Variants in CTNNA3 observed in about 807,000 individuals in gnomAD.
CTNNA3 encodes catenin alpha-3.
In CTNNA3, 76 loss-of-function variants were observed where a neutral mutation model predicts 95.7. The ratio of observed to expected loss-of-function variants is 0.79; its 90% CI spans 0.66 to 0.96. The LOEUF is 0.96. CTNNA3 is among the 40% of genes least tolerant of loss of function. CTNNA3 has a pLI of 0.00. For missense variants in CTNNA3, 1,191 were observed against 1,089.8 expected, an observed-to-expected ratio of 1.09 and a Z score of -1.31; for synonymous variants, 431 against 374.4, an observed-to-expected ratio of 1.15 and a Z score of -1.74.
chr10:67,135,900 G>A (rs920936797), intron 7 of CTNNA3, among the ~76,000 whole-genome samples: 1 of 152,104 alleles, frequency 6.6e-6, no homozygotes, highest in Non-Finnish European at 1.5e-5. Context: ...TGCATAACAA[G>A]TTTCAAGAAC....
At position 65,988,709 on chromosome 10, in the gene CTNNA3, G is replaced by A. The variant is rs149211186; in HGVS notation, c.2248C>T (p.Arg750Trp). ...TAACTCACCTGATTAGCAATCTGCC[G>A]AGCAAGGACATCCATCCTTGATCCT... is the stretch of plus-strand genomic sequence containing the variant. The part of the protein sequence containing the change: ...ESGSRMDVLA[R>W]QIANQCPDPS... The change falls in exon 16 of 18, where the codon CGG (arginine) becomes TGG (tryptophan). Residue 750 changes from arginine to tryptophan, a missense_variant. Transcript: ENST00000433211. The A allele has an allele frequency of 3.4e-5, 55 of 1,613,298 alleles. No homozygotes were observed. Among genetic ancestry groups the A allele is most frequent in the African/African-American group, 3.3e-4 (25 of 74,862 alleles).
intron 9 of CTNNA3, among the ~76,000 whole-genome samples, chr10:66,752,726 T>C (rs940137692): frequency 2.0e-5 from 3 of 151,892 alleles, no homozygotes; most frequent in Admixed American, 1.3e-4. Flanking sequence ...TTTTAAACAA[T>C]ACAAAATAAG....
intron 13 of CTNNA3, among the ~76,000 whole-genome samples, chr10:66,171,838 A>G (rs2085448841): frequency 6.6e-6 from 1 of 152,176 alleles, no homozygotes; most frequent in Admixed American, 6.5e-5. Flanking sequence ...CAATTAAACC[A>G]TGAAATCATG....
At chr10:66,543,437 T>A (rs1176522568) in intron 10 of CTNNA3, among the ~76,000 whole-genome samples, 1 of 152,086 alleles carries the variant, frequency 6.6e-6, no homozygotes, top group African/African-American at 2.4e-5. Context: ...AAAAATTACA[T>A]TAAACAATAT....
chr10:65,920,779 TGGC>T (rs2077074374), intron 17 of CTNNA3, among the ~76,000 whole-genome samples, 162 bp from the exon 18 acceptor site: 1 of 152,034 alleles, frequency 6.6e-6, no homozygotes, highest in Non-Finnish European at 1.5e-5. Context: ...TGAGCCAAGA[TGGC>T]GTCACTGCAC....
intron 5 of CTNNA3, among the ~76,000 whole-genome samples, chr10:67,299,731 G>A (rs1164475301): frequency 6.6e-6 from 1 of 152,210 alleles, no homozygotes; most frequent in African/African-American, 2.4e-5. Flanking sequence ...TTTAGAGATG[G>A]CTTGGAAAAA....
chr10:67,393,942 A>G (rs891179784), intron 5 of CTNNA3, among the ~76,000 whole-genome samples: 8 of 152,194 alleles, frequency 5.3e-5, no homozygotes, highest in African/African-American at 1.9e-4. Context: ...AATCACCCAG[A>G]TCCTTCAGCA....
At chr10:67,395,012 A>T (rs984234814) in intron 5 of CTNNA3, among the ~76,000 whole-genome samples, 1 of 152,160 alleles carries the variant, frequency 6.6e-6, no homozygotes, top group Non-Finnish European at 1.5e-5. Context: ...TGATTTTTAC[A>T]CTTGCAGATT....
At chr10:67,463,600 A>G (rs1416232162) in intron 5 of CTNNA3, among the ~76,000 whole-genome samples, 1 of 152,222 alleles carries the variant, frequency 6.6e-6, no homozygotes, top group Admixed American at 6.5e-5. Flanking sequence ...AATCTAATAC[A>G]TAAAAGATCT....
Position 67,618,102 on chromosome 10 carries a change from A to G in CTNNA3, c.100-11053T>C, listed in dbSNP as rs1167333010. Among the ~76,000 whole-genome samples the G allele has an allele frequency of 2.6e-5, 4 of 152,212 alleles. No individual in the cohort carries two copies. In the East Asian group the frequency reaches 7.7e-4, roughly 29 times the overall value. Reference sequence around the variant, plus strand: ...AACAACTAGTAATTCCAGTAAATCAATAATCCATAGTTTATAGGACAGTAC... The same window carrying G: ...AACAACTAGTAATTCCAGTAAATCAGTAATCCATAGTTTATAGGACAGTAC... On this transcript the variant is annotated intron_variant, in intron 2 of 17. Coordinates refer to ENST00000433211, the MANE Select transcript of CTNNA3 (RefSeq NM_013266.4).
chr10:66,195,797 G>A (rs1446802448), intron 13 of CTNNA3, among the ~76,000 whole-genome samples: 1 of 152,044 alleles, frequency 6.6e-6, no homozygotes, highest in Non-Finnish European at 1.5e-5. Flanking sequence ...CTATTTTTAT[G>A]GTAAGAGGAA....
chr10:67,600,780 T>C (rs1318619814), intron 3 of CTNNA3, among the ~76,000 whole-genome samples: 1 of 152,144 alleles, frequency 6.6e-6, no homozygotes, highest in East Asian at 1.9e-4. Flanking sequence ...GCAATGCTCA[T>C]TAAAGAAAAA....
intron 5 of CTNNA3, among the ~76,000 whole-genome samples, chr10:67,273,766 G>C (rs1482846425): frequency 6.6e-6 from 1 of 152,076 alleles, no homozygotes; most frequent in Non-Finnish European, 1.5e-5. Flanking sequence ...TAATGACATA[G>C]ATAAATATTA....
intron 5 of CTNNA3, among the ~76,000 whole-genome samples, chr10:67,225,927 G>T (rs1864892189): frequency 6.6e-6 from 1 of 152,120 alleles, no homozygotes; most frequent in Admixed American, 6.5e-5. Flanking sequence ...AGCTAATCAG[G>T]GAGGGACCAG....
intron 7 of CTNNA3, among the ~76,000 whole-genome samples, chr10:66,885,975 A>G (rs996618420): frequency 6.6e-6 from 1 of 152,142 alleles, no homozygotes; most frequent in Admixed American, 6.6e-5. Context: ...CCCCTTTCAA[A>G]AATGTATAGA....
intron 15 of CTNNA3, among the ~76,000 whole-genome samples, chr10:66,047,843 G>A (rs1056313177): frequency 2.0e-5 from 3 of 151,936 alleles, no homozygotes; most frequent in South Asian, 2.1e-4. Flanking sequence ...TAGCCAAACC[G>A]AGACCCAAAT....
chr10:67,002,031 G>T (rs539551645), intron 7 of CTNNA3, among the ~76,000 whole-genome samples: 4 of 152,262 alleles, frequency 2.6e-5, no homozygotes, highest in Middle Eastern at 3.4e-3. Flanking sequence ...GGAGGTCACC[G>T]TCTGGTTGAC....
At chr10:66,152,680 A>G (rs1433733723) in intron 13 of CTNNA3, among the ~76,000 whole-genome samples, 2 of 151,900 alleles carry the variant, frequency 1.3e-5, no homozygotes, top group Admixed American at 1.3e-4. Context: ...GACCCTCAAG[A>G]GCATTTTTGA....
intron 5 of CTNNA3, among the ~76,000 whole-genome samples, chr10:67,301,357 A>G (rs1161336056): frequency 6.6e-6 from 1 of 152,084 alleles, no homozygotes; most frequent in Non-Finnish European, 1.5e-5. Context: ...GAAGATAAGT[A>G]TAGGAGAGAA....
Sources: allele counts gnomAD v4.1 joint callset (sites outside exome capture counted in the v4.1 genomes callset), GRCh38; gene constraint gnomAD v4.1.1; transcripts MANE v1.5; gene names NCBI Gene and HGNC (gene_info 2026-07-23, HGNC 2026-07-21).